The following BMPR2 variants were observed in gnomAD, a reference collection of about 807,000 sequenced individuals.
The protein encoded by BMPR2 is bone morphogenetic protein receptor type-2.
BMPR2 carries 29 observed loss-of-function variants against 100.8 expected under a neutral mutation model. That is an observed-to-expected ratio of 0.29 (90% CI 0.21 to 0.39). The LOEUF (loss-of-function observed/expected upper bound fraction) is 0.39. Ranked by LOEUF, BMPR2 falls within the 10% of genes least tolerant of loss-of-function variation. The pLI is 1.00. For synonymous variants in BMPR2, 382 were observed against 442.3 expected (o/e 0.86, Z 1.71); for missense variants, 1,011 against 1,274.5 (o/e 0.79, Z 3.15).
intron 3 of BMPR2, among the ~76,000 whole-genome samples, chr2:202,505,686 C>G (rs1429464239): frequency 6.6e-6 from 1 of 152,118 alleles, no homozygotes; most frequent in Non-Finnish European, 1.5e-5. Flanking sequence ...ACTCTATAAC[C>G]ACTTTATTTT....
chr2:202,436,343 G>A (rs1419943790), intron 1 of BMPR2, among the ~76,000 whole-genome samples: 2 of 150,358 alleles, frequency 1.3e-5, no homozygotes, highest in South Asian at 2.1e-4. Flanking sequence ...CTACTTGGGG[G>A]CCTGAGGTGG....
intron 1 of BMPR2, among the ~76,000 whole-genome samples, chr2:202,453,968 A>T (rs954242693): frequency 4.6e-5 from 7 of 152,132 alleles, no homozygotes; most frequent in South Asian, 4.1e-4. Context: ...AAATAAAAAA[A>T]TTTTTTGTAA....
At chr2:202,509,047 T>C (rs536106823) in intron 3 of BMPR2, among the ~76,000 whole-genome samples, 228 of 152,300 alleles carry the variant, frequency 1.5e-3, no homozygotes, top group African/African-American at 5.2e-3. Context: ...CCTACACCAA[T>C]TTATTTTGCA....
chr2:202,463,957 C>G (rs1304008241), intron 1 of BMPR2, among the ~76,000 whole-genome samples: 1 of 151,840 alleles, frequency 6.6e-6, no homozygotes, highest in Non-Finnish European at 1.5e-5. Flanking sequence ...GTCGAGAGTT[C>G]GGGACCAGCC....
intron 3 of BMPR2, among the ~76,000 whole-genome samples, chr2:202,493,414 C>A (rs976298584): frequency 1.3e-5 from 2 of 152,060 alleles, no homozygotes; most frequent in African/African-American, 4.8e-5. Flanking sequence ...ACTTTGAGAG[C>A]ATATTTAATG....
At chr2:202,390,350 T>C (rs1207356343) in intron 1 of BMPR2, among the ~76,000 whole-genome samples, 1 of 140,582 alleles carries the variant, frequency 7.1e-6, no homozygotes, top group Non-Finnish European at 1.5e-5. Context: ...TTTTTTTTTT[T>C]GAGACAGAGT....
chr2:202,488,298 C>T (rs1692823021), intron 3 of BMPR2, among the ~76,000 whole-genome samples: 1 of 152,020 alleles, frequency 6.6e-6, no homozygotes, highest in South Asian at 2.1e-4. Context: ...TAAGTGCTGA[C>T]AGTATTATAA....
intron 2 of BMPR2, among the ~76,000 whole-genome samples, chr2:202,466,165 T>C (rs1160239896): frequency 6.6e-6 from 1 of 152,222 alleles, no homozygotes; most frequent in Non-Finnish European, 1.5e-5. Context: ...TATTAGGTTA[T>C]AAGATATATC....
intron 12 of BMPR2, among the ~76,000 whole-genome samples, chr2:202,558,746 A>T (rs2105715133): frequency 6.6e-6 from 1 of 152,000 alleles, no homozygotes. Flanking sequence ...ATACAAAAGT[A>T]GCCAGACGTG....
intron 2 of BMPR2, among the ~76,000 whole-genome samples, chr2:202,466,879 T>C (rs1574463698): frequency 6.6e-6 from 1 of 152,166 alleles, no homozygotes; most frequent in African/African-American, 2.4e-5. Flanking sequence ...ATTCTAGGCG[T>C]GAGCCACCGT....
chr2:202,453,740 A>C (rs1460378579), intron 1 of BMPR2, among the ~76,000 whole-genome samples: 1 of 152,200 alleles, frequency 6.6e-6, no homozygotes, highest in Non-Finnish European at 1.5e-5. Context: ...GATGGAATGA[A>C]TAAGATCTAA....
intron 1 of BMPR2, among the ~76,000 whole-genome samples, chr2:202,405,283 T>C (rs545075339): frequency 2.0e-5 from 3 of 152,302 alleles, no homozygotes; most frequent in Admixed American, 6.5e-5. Flanking sequence ...TGCTATCTTA[T>C]TTTTATTCAT....
At chr2:202,453,777 TCAA>T (rs112148012) in intron 1 of BMPR2, among the ~76,000 whole-genome samples, 8 of 152,152 alleles carry the variant, frequency 5.3e-5, no homozygotes, top group South Asian at 2.1e-4. Context: ...GTGACTACAG[TCAA>T]CAATAATTTA....
In BMPR2 at chr2:202,552,851, A is replaced by G. The variant is rs1240606754; in HGVS notation, c.1549A>G (p.Thr517Ala). The G allele has an allele frequency of 8.7e-6, 14 of 1,614,232 alleles. No homozygotes were observed. Among genetic ancestry groups the G allele is most frequent in the Non-Finnish European group, 1.2e-5 (14 of 1,180,038 alleles). ...GGAAAGAAACAAATCTGTGAGCCCA[A>G]CAGTCAATCCAATGTCTACTGCTAT... ...IWERNKSVSP[T>A]VNPMSTAMQN... Residue 517 changes from threonine to alanine, a missense_variant, in exon 11 of 13, where the codon ACA (threonine) becomes GCA (alanine). Around this residue, in one of 6 missense-constraint regions of BMPR2, gnomAD observed 508 missense variants for 552.0 expected, o/e 0.92. Transcript: ENST00000374580.
At chr2:202,395,129 G>A (rs1270980947) in intron 1 of BMPR2, among the ~76,000 whole-genome samples, 3 of 152,016 alleles carry the variant, frequency 2.0e-5, no homozygotes, top group Non-Finnish European at 2.9e-5. Flanking sequence ...TGGTTCACCC[G>A]CCTCGGCCTC....
chr2:202,433,539 G>A lies in BMPR2; in HGVS notation c.77-31270G>A, dbSNP rs1691548385. 2.0e-5 allele frequency among the ~76,000 whole-genome samples: 3 copies of A among 150,616 alleles called. 1 individual carries two copies. The highest frequency in any genetic ancestry group is 7.5e-5 in the African/African-American group (3 of 39,968). On this transcript the variant is annotated intron_variant, in intron 1 of 12. Transcript: ENST00000374580. ...TTGGTAGAAGAATGGTGAAATCATT[G>A]ATGCTTTACAAAAAGTTTATGGGGA...
chr2:202,447,517 A>G (rs538671167), intron 1 of BMPR2, among the ~76,000 whole-genome samples: 1 of 150,548 alleles, frequency 6.6e-6, no homozygotes, highest in African/African-American at 2.5e-5. Flanking sequence ...TCTCTACAAA[A>G]TGTGTTTTAA....
At chr2:202,504,664 C>T (rs1328136989) in intron 3 of BMPR2, among the ~76,000 whole-genome samples, 17 of 150,084 alleles carry the variant, frequency 1.1e-4, no homozygotes, top group Admixed American at 1.1e-3. Context: ...AGGAGTTTTC[C>T]ATCATAGTAG....
intron 1 of BMPR2, among the ~76,000 whole-genome samples, chr2:202,407,819 ATTTCTT>A (rs755101725): frequency 7.5e-4 from 113 of 151,092 alleles, no homozygotes; most frequent in Non-Finnish European, 1.4e-3. Context: ...TTAACTCAGG[ATTTCTT>A]TTTCTTTTTC....
Sources: allele counts gnomAD v4.1 joint callset (sites outside exome capture counted in the v4.1 genomes callset), GRCh38; gene constraint gnomAD v4.1.1; regional missense constraint gnomAD v4.1.1; transcripts MANE v1.5; gene names NCBI Gene and HGNC (gene_info 2026-07-23, HGNC 2026-07-21).